AGAP1: variants seen among roughly 807,000 people sequenced by gnomAD.
The protein encoded by AGAP1 is ArfGAP with GTPase domain, ankyrin repeat and PH domain 1, also known as arf-GAP with GTPase, ANK repeat and PH domain-containing protein 1.
A neutral mutation model predicts 105.3 loss-of-function variants in AGAP1; 29 were observed. The observed-to-expected ratio is 0.28, with a 90% CI of 0.21 to 0.38. The LOEUF (loss-of-function observed/expected upper bound fraction) is 0.38. Among genes scored for constraint, AGAP1 ranks in the 10% least tolerant of loss-of-function variants. The pLI is 1.00. For missense variants in AGAP1, 998 were observed against 1,165.1 expected (o/e 0.86, Z 2.09); for synonymous variants, 509 against 485.9 (o/e 1.05, Z -0.63).
intron 16 of AGAP1, among the ~76,000 whole-genome samples, chr2:236,103,524 T>TC (rs992631257): frequency 3.3e-5 from 5 of 151,964 alleles, no homozygotes; most frequent in African/African-American, 1.2e-4. Context: ...TTCTTTTTTT[T>TC]CTTTCTTTTC....
intron 9 of AGAP1, among the ~76,000 whole-genome samples, chr2:235,813,112 C>T (rs543280758): frequency 6.6e-6 from 1 of 152,224 alleles, no homozygotes. Flanking sequence ...TCCAGAATAT[C>T]TGGAGGCCTA....
chr2:235,960,523 G>T lies in AGAP1; in HGVS notation c.1484-7939G>T, dbSNP rs936460600. On this transcript the variant is annotated intron_variant, in intron 12 of 17. Coordinates refer to ENST00000304032, the MANE Select transcript of AGAP1 (RefSeq NM_001037131.3). This position sits in a 1 kb window ranked among gnomAD's most constrained non-coding sequence, Gnocchi z 4.9. Reference sequence around the variant, plus strand: ...TATGCTCGGTCCAGTGCAGGTGGGCGTGCGGACTCTTCCGTACCTCACTTC... The same window carrying T: ...TATGCTCGGTCCAGTGCAGGTGGGCTTGCGGACTCTTCCGTACCTCACTTC... Among the ~76,000 whole-genome samples the T allele has an allele frequency of 2.0e-5, 3 of 152,126 alleles. No individual in the cohort carries two copies. The highest frequency in any genetic ancestry group is 7.2e-5 in the African/African-American group (3 of 41,440).
rs982393289 is a variant in AGAP1 at position 235,620,069 on chromosome 2, C to T, written c.164-89110C>T. Among the ~76,000 whole-genome samples, 2 of 152,292 alleles carry T rather than the reference C, an allele frequency of 1.3e-5. No homozygotes were observed. Among genetic ancestry groups the T allele is most frequent in the Middle Eastern group, 3.4e-3 (1 of 294 alleles). ...CCTGGGCCTCTGCAGCACCTGCCCT[C>T]GGCCCCCAGGGACCTTCTTTGTCAC... On this transcript the variant is annotated intron_variant, in intron 1 of 17. Coordinates refer to ENST00000304032, the MANE Select transcript of AGAP1 (RefSeq NM_001037131.3). The surrounding 1 kb of genome is among the most constrained non-coding windows in gnomAD (Gnocchi z 4.5).
rs1436623434 is a variant in AGAP1 at position 235,659,147 on chromosome 2, CCGAGT to C, written c.164-50031_164-50027del. On this transcript the variant is annotated intron_variant, in intron 1 of 17. Transcript: ENST00000304032. This position sits in a 1 kb window ranked among gnomAD's most constrained non-coding sequence, Gnocchi z 5.0. ...CCTGGAGCTGGATTCCCACACCCTGCCGAGTTTGTGCGTTTCTGTGAATCTGATGA... is the reference window on the plus strand; with the variant it reads ...CCTGGAGCTGGATTCCCACACCCTGCTTGTGCGTTTCTGTGAATCTGATGA... 6.6e-6 allele frequency among the ~76,000 whole-genome samples: 1 copy of C among 152,224 alleles called. No homozygotes were observed. Among genetic ancestry groups the C allele is most frequent in the Non-Finnish European group, 1.5e-5 (1 of 68,052 alleles).
intron 1 of AGAP1, among the ~76,000 whole-genome samples, chr2:235,514,875 G>T (rs1942315121): frequency 6.6e-6 from 1 of 152,206 alleles, no homozygotes; most frequent in Admixed American, 6.5e-5. Context: ...GTAGCAACAA[G>T]GAACATACCT....
Position 235,600,202 on chromosome 2 carries a change from A to G in AGAP1, c.163+105353A>G, listed in dbSNP as rs138705195. Among the ~76,000 whole-genome samples, 2,504 of 152,350 alleles carry G rather than the reference A, an allele frequency of 0.016. 66 individuals are homozygous for G. The highest frequency in any genetic ancestry group is 0.057 in the African/African-American group (2,380 of 41,582). On this transcript the variant is annotated intron_variant, in intron 1 of 17. Transcript: ENST00000304032. The surrounding 1 kb of genome is among the most constrained non-coding windows in gnomAD (Gnocchi z 4.8). ...AATATTCTGTAGCTCATCTGGCAGCAGGGCCAGAGCTGATGATCTAATTCG... is the reference window on the plus strand; with the variant it reads ...AATATTCTGTAGCTCATCTGGCAGCGGGGCCAGAGCTGATGATCTAATTCG...
chr2:235,494,752 G>T lies in AGAP1; in HGVS notation c.66G>T (p.Ser22=), dbSNP rs754711812. 5.7e-6 allele frequency: 9 copies of T among 1,572,676 alleles called. No homozygotes were observed. The African/African-American group carries it at 1.3e-4, about 22-fold the overall frequency. Residue 22 remains serine, a synonymous_variant, in exon 1 of 18, where the codon TCG becomes TCT. Coordinates refer to ENST00000304032, the MANE Select transcript of AGAP1 (RefSeq NM_001037131.3). ...AIRAEIQRFE[S]VHPNIYSIYE... ...GGGCCGAGATCCAGCGCTTCGAGTC[G>T]GTCCACCCCAACATCTACTCCATCT...
chr2:235,546,167 G>A (rs972393921), intron 1 of AGAP1, among the ~76,000 whole-genome samples: 2 of 152,320 alleles, frequency 1.3e-5, no homozygotes, highest in South Asian at 4.1e-4. Context: ...AATCTGGGCT[G>A]TTCTGCTAGA....
In AGAP1 at chr2:235,567,511, G is replaced by A. The variant is rs141053255; in HGVS notation, c.163+72662G>A. Among the ~76,000 whole-genome samples, 725 of 152,294 alleles carry A rather than the reference G, an allele frequency of 4.8e-3. 4 individuals are homozygous for A. The highest frequency in any genetic ancestry group is 7.0e-3 in the Non-Finnish European group (474 of 68,028). On this transcript the variant is annotated intron_variant, in intron 1 of 17. Coordinates refer to ENST00000304032, the MANE Select transcript of AGAP1 (RefSeq NM_001037131.3). ...CACACCTGCAGCCTTGCTTCTCCCC[G>A]TGTCTGTTCTTGCGCTGTCCATCTG...
chr2:235,709,388 A>T (rs1950715163), intron 2 of AGAP1, 151 bp downstream of exon 2: 5 of 891,044 alleles, frequency 5.6e-6, no homozygotes, highest in Non-Finnish European at 8.9e-6. Context: ...GGTATAGTTG[A>T]TAGCTTGGGA....
chr2:236,039,159 T>C (rs1191503665), intron 14 of AGAP1, among the ~76,000 whole-genome samples: 2 of 152,182 alleles, frequency 1.3e-5, no homozygotes, highest in Non-Finnish European at 2.9e-5. Flanking sequence ...AAACACTACA[T>C]ATCAGCCAGA....
At chr2:235,910,962 C>T (rs1164434419) in intron 11 of AGAP1, among the ~76,000 whole-genome samples, 2 of 152,094 alleles carry the variant, frequency 1.3e-5, no homozygotes, top group South Asian at 2.1e-4. Context: ...AGAAGTTGTG[C>T]GCACTGCAGA....
chr2:235,915,383 G>A (rs2125075670), intron 11 of AGAP1, among the ~76,000 whole-genome samples: 1 of 152,292 alleles, frequency 6.6e-6, no homozygotes, highest in East Asian at 1.9e-4. Context: ...CAAACAGAGA[G>A]CACGTGTTTG....
At chr2:235,649,632 A>G (rs1038822922) in intron 1 of AGAP1, among the ~76,000 whole-genome samples, 2 of 152,176 alleles carry the variant, frequency 1.3e-5, no homozygotes, top group African/African-American at 2.4e-5. Flanking sequence ...TCAGCCTCCC[A>G]GAGTGCTAGG....
At chr2:235,757,397 G>A (rs1464616627) in intron 6 of AGAP1, among the ~76,000 whole-genome samples, 1 of 152,176 alleles carries the variant, frequency 6.6e-6, no homozygotes, top group Non-Finnish European at 1.5e-5. Flanking sequence ...GGCTCTGTGT[G>A]CCAGGTGCTA....
At chr2:235,563,381 C>T (rs1944231027) in intron 1 of AGAP1, among the ~76,000 whole-genome samples, 1 of 152,202 alleles carries the variant, frequency 6.6e-6, no homozygotes, top group African/African-American at 2.4e-5. Context: ...GTGCCTCTTG[C>T]CCAGGTGACC....
In AGAP1 at chr2:235,992,765, G is replaced by A. The variant is rs142377329; in HGVS notation, c.1645+24142G>A. On this transcript the variant is annotated intron_variant, in intron 13 of 17. Coordinates refer to ENST00000304032, the MANE Select transcript of AGAP1 (RefSeq NM_001037131.3). This position sits in a 1 kb window ranked among gnomAD's most constrained non-coding sequence, Gnocchi z 4.8. Reference sequence around the variant, plus strand: ...GGATGCGTCGTGGGCGCCGAGGAGAGCGTAGCCTCCTGTTAACGTAGCCTC... The same window carrying A: ...GGATGCGTCGTGGGCGCCGAGGAGAACGTAGCCTCCTGTTAACGTAGCCTC... Among the ~76,000 whole-genome samples the A allele has an allele frequency of 4.6e-4, 70 of 152,302 alleles. No individual in the cohort carries two copies. In the East Asian group the frequency reaches 0.013, roughly 29 times the overall value.
At chr2:235,774,221 TA>T in intron 6 of AGAP1, 1 of 402,312 alleles carries the variant, frequency 2.5e-6, no homozygotes, top group Admixed American at 3.4e-5. Flanking sequence ...ATCTATAAAC[TA>T]AAAATGCACA....
At chr2:235,541,018 T>TA (rs983726860) in intron 1 of AGAP1, among the ~76,000 whole-genome samples, 1 of 152,138 alleles carries the variant, frequency 6.6e-6, no homozygotes. Context: ...CTTATAGTTT[T>TA]AAAAAAGGGA....
Sources: gnomAD v4.1 joint callset for allele counts (sites outside exome capture counted in the v4.1 genomes callset) on GRCh38, gnomAD v4.1.1 for gene constraint, Gnocchi (gnomAD v3.1) non-coding constraint, MANE v1.5 for transcripts, NCBI Gene and HGNC (gene_info 2026-07-23, HGNC 2026-07-21) for gene names.